Variants in GAS7 observed in about 807,000 individuals in gnomAD.
GAS7 encodes growth arrest specific 7, also known as growth arrest-specific protein 7.
A neutral mutation model predicts 71.1 loss-of-function variants in GAS7; 28 were observed. The observed-to-expected ratio is 0.39, with a 90% CI of 0.29 to 0.54. GAS7 has a LOEUF of 0.54. Ranked by LOEUF, GAS7 falls within the 20% of genes least tolerant of loss-of-function variation. The pLI is 0.62. For missense variants in GAS7, 436 were observed against 627.8 expected, an observed-to-expected ratio of 0.69 and a Z score of 3.27; for synonymous variants, 258 against 245.8, an observed-to-expected ratio of 1.05 and a Z score of -0.46.
intron 4 of GAS7, among the ~76,000 whole-genome samples, chr17:9,968,227 C>G (rs7213443): frequency 0.77 from 117,617 of 152,150 alleles, 46,010 homozygotes; most frequent in African/African-American, 0.88. Context: ...TACAAAGCCA[C>G]GGTTGATTCA....
rs985744892 is a variant in GAS7 at position 10,198,521 on chromosome 17, G to T, written c.-131C>A. 8 of 511,074 alleles carry T rather than the reference G, an allele frequency of 1.6e-5. No homozygotes were observed. The African/African-American group carries it at 1.6e-4, about 10-fold the overall frequency. 31.7% of individuals were successfully genotyped at this position (511,074 alleles called of 1,614,324 possible). On this transcript the variant is annotated 5_prime_UTR_variant, in exon 1 of 14. Transcript: ENST00000432992. ...GCTCTGGGCGCGCGCCGTCTCTGGG[G>T]TGCGCGGGGGTCCTCAGGCAGGCGG...
At chr17:9,928,104 A>T (rs913336322) in intron 9 of GAS7, among the ~76,000 whole-genome samples, 11 of 150,330 alleles carry the variant, frequency 7.3e-5, no homozygotes, top group African/African-American at 2.0e-4. Context: ...ACATTTATTT[A>T]TTTTTTATTT....
chr17:10,127,403 G>A (rs535720777), intron 1 of GAS7, among the ~76,000 whole-genome samples: 6 of 152,258 alleles, frequency 3.9e-5, no homozygotes, highest in Admixed American at 2.6e-4. Flanking sequence ...GGATGAGCAG[G>A]TCAGGAGGCG....
intron 4 of GAS7, among the ~76,000 whole-genome samples, chr17:9,960,410 G>A (rs2069436081): frequency 6.6e-6 from 1 of 152,076 alleles, no homozygotes; most frequent in African/African-American, 2.4e-5. Flanking sequence ...GGCTGGTCTC[G>A]AACTTTTGAC....
At chr17:10,120,986 G>T (rs2073900187) in intron 1 of GAS7, among the ~76,000 whole-genome samples, 1 of 152,246 alleles carries the variant, frequency 6.6e-6, no homozygotes, top group African/African-American at 2.4e-5. Context: ...GTTTCGGATG[G>T]CAGGAGTGGC....
At chr17:10,070,341 C>CTTTTTTTTTTTT (rs71365713) in intron 1 of GAS7, among the ~76,000 whole-genome samples, 2 of 106,132 alleles carry the variant, frequency 1.9e-5, no homozygotes, top group African/African-American at 3.5e-5. Context: ...TCTCTCTCTT[C>CTTTTTTTTTTTT]TTTTTTTTTT....
intron 1 of GAS7, among the ~76,000 whole-genome samples, chr17:10,046,777 AAAGAAAGAAAGGAAGG>A (rs1259926349): frequency 3.6e-5 from 4 of 110,960 alleles, no homozygotes; most frequent in Non-Finnish European, 1.7e-5. Context: ...GAAGAGAAAG[AAAGAAAGAAAGGAAGG>A]AAGGAAGGAA....
chr17:9,983,542 T>A (rs2070518918), intron 2 of GAS7, among the ~76,000 whole-genome samples: 1 of 151,504 alleles, frequency 6.6e-6, no homozygotes, highest in African/African-American at 2.4e-5. Flanking sequence ...ATCCCAGCAA[T>A]TTGGGAGGCC....
intron 1 of GAS7, among the ~76,000 whole-genome samples, chr17:10,076,854 G>A (rs539731064): frequency 0.031 from 4,530 of 146,722 alleles, 239 homozygotes; most frequent in African/African-American, 0.11. Flanking sequence ...ACCAGAGCCG[G>A]AATCAAGCCT....
At chr17:10,181,874 G>T (rs1042067118) in intron 1 of GAS7, among the ~76,000 whole-genome samples, 4 of 152,136 alleles carry the variant, frequency 2.6e-5, no homozygotes, top group African/African-American at 7.2e-5. Flanking sequence ...AGAGGCTACC[G>T]CTGGTCATCC....
rs7225127 is a variant in GAS7, at chr17:10,161,991, C to T, written c.183+36217G>A. 0.022 allele frequency among the ~76,000 whole-genome samples: 3,254 copies of T among 145,426 alleles called. 307 individuals carry two copies. The East Asian group carries it at 0.33, about 15-fold the overall frequency. ...CTGAGGCAGGAGAATGGCGTGAACC[C>T]GGGAGGCGGAGCCTGCAGTGAGCCG... On this transcript the variant is annotated intron_variant, in intron 1 of 13. Transcript: ENST00000432992.
chr17:9,966,930 T>G (rs1393375549), intron 4 of GAS7, among the ~76,000 whole-genome samples: 1 of 152,178 alleles, frequency 6.6e-6, no homozygotes, highest in East Asian at 1.9e-4. Flanking sequence ...TGTTACCCTT[T>G]CAAAGCCTAA....
chr17:10,086,759 G>GTTCA (rs2073524202), intron 1 of GAS7, among the ~76,000 whole-genome samples: 1 of 152,216 alleles, frequency 6.6e-6, no homozygotes, highest in Non-Finnish European at 1.5e-5. Context: ...GAGTGATTTG[G>GTTCA]TTCAGTCCTA....
intron 1 of GAS7, among the ~76,000 whole-genome samples, chr17:10,153,802 C>T (rs2074185029): frequency 6.6e-6 from 1 of 152,174 alleles, no homozygotes. Flanking sequence ...TGAGGTGGCT[C>T]ATGCCTGTAA....
rs1042738344 is a variant in GAS7, at chr17:9,926,163, C to T, written c.1014+478G>A. On this transcript the variant is annotated intron_variant, in intron 10 of 13. Transcript: ENST00000432992. This position sits in a 1 kb window ranked among gnomAD's most constrained non-coding sequence, Gnocchi z 5.0. ...AAGGCACTGGGGACTGGGAATCAGT[C>T]CCTGGGGCACACTCTCTTCCCTCTA... is the stretch of plus-strand genomic sequence containing the variant. Among the ~76,000 whole-genome samples, 7 of 152,050 alleles carry T rather than the reference C, an allele frequency of 4.6e-5. No individual in the cohort carries two copies. The highest frequency in any genetic ancestry group is 1.7e-4 in the African/African-American group (7 of 41,412).
chr17:10,082,841 G>T (rs2073472978), intron 1 of GAS7, among the ~76,000 whole-genome samples: 1 of 152,206 alleles, frequency 6.6e-6, no homozygotes, highest in African/African-American at 2.4e-5. Flanking sequence ...ACAACAATGA[G>T]GATGAATGTC....
rs183779238 is a variant in GAS7, at chr17:10,016,152, G to A, written c.304+3625C>T. 5.3e-5 allele frequency among the ~76,000 whole-genome samples: 8 copies of A among 152,210 alleles called. No homozygotes were observed. The East Asian group carries it at 5.8e-4, about 11-fold the overall frequency. On this transcript the variant is annotated intron_variant, in intron 2 of 13. Coordinates refer to ENST00000432992, the MANE Select transcript of GAS7 (RefSeq NM_201433.2). The stretch of plus-strand genomic sequence containing the variant: ...TGTAATGCCAGTACTTTGGGAGGCC[G>A]AGGCAGGCGGATCACAAGGCCAGGA...
At chr17:10,124,723 G>C (rs991257160) in intron 1 of GAS7, among the ~76,000 whole-genome samples, 2 of 152,120 alleles carry the variant, frequency 1.3e-5, no homozygotes, top group African/African-American at 4.8e-5. Context: ...TTGGAGACCA[G>C]CCTGGCCAAC....
At chr17:9,993,974 G>A (rs1056609607) in intron 2 of GAS7, among the ~76,000 whole-genome samples, 1 of 150,528 alleles carries the variant, frequency 6.6e-6, no homozygotes, top group Non-Finnish European at 1.5e-5. Flanking sequence ...AACTTACAAG[G>A]GATGTGAAGG....
Sources: gnomAD v4.1 joint callset for allele counts (sites outside exome capture counted in the v4.1 genomes callset) on GRCh38, gnomAD v4.1.1 for gene constraint, Gnocchi (gnomAD v3.1) non-coding constraint, MANE v1.5 for transcripts, NCBI Gene and HGNC (gene_info 2026-07-23, HGNC 2026-07-21) for gene names.